Variants in ATP11C observed in about 807,000 individuals in gnomAD.
ATP11C encodes ATPase phospholipid transporting 11C (ATP11C blood group).
A neutral mutation model predicts 97.4 loss-of-function variants in ATP11C; 36 were observed. That is an observed-to-expected ratio of 0.37 (90% CI 0.28 to 0.49). The LOEUF (loss-of-function observed/expected upper bound fraction) is 0.49. Ranked by LOEUF, ATP11C falls within the 20% of genes least tolerant of loss-of-function variation. The pLI is 0.98. For synonymous variants in ATP11C, 275 were observed against 290.9 expected (o/e 0.95, Z 0.56); for missense variants, 730 against 824.6 (o/e 0.89, Z 1.40).
At chrX:139,815,016 T>C in intron 4 of ATP11C, 31 bp from the exon 5 acceptor site, 1 of 874,304 alleles carries the variant, frequency 1.1e-6, no homozygotes, top group Non-Finnish European at 1.6e-6. Flanking sequence ...TATAATTGAG[T>C]TCTGATAATG....
In ATP11C at chrX:139,787,203, C is replaced by T. The variant is rs747151951; in HGVS notation, c.1562G>A (p.Arg521Lys). The stretch of plus-strand genomic sequence containing the variant: ...TATTTCTTTTCTTTGGTTCTCTACT[C>T]TCATATATCCATTTCGATTTCCTAA... ...TFLGNRNGYM[R>K]VENQRKEIEE... Residue 521 changes from arginine (R) to lysine (K), a missense_variant, in exon 15 of 30, where the codon AGA (arginine) becomes AAA (lysine). Arg to Lys is a conservative substitution (Grantham distance 26). Coordinates refer to ENST00000682941, the MANE Select transcript of ATP11C (RefSeq NM_001353812.2). The T allele has an allele frequency of 8.4e-7, 1 of 1,191,791 alleles. No homozygotes were observed. The highest frequency in any genetic ancestry group is 1.1e-6 in the Non-Finnish European group (1 of 878,372).
intron 18 of ATP11C, among the ~76,000 whole-genome samples, chrX:139,781,399 G>C: frequency 8.9e-6 from 1 of 112,791 alleles, no homozygotes; most frequent in Non-Finnish European, 1.9e-5. Flanking sequence ...AGGTCAGCCT[G>C]TAAGTTAAAA....
chrX:139,914,943 C>T (rs1260690939), intron 1 of ATP11C, among the ~76,000 whole-genome samples: 1 of 111,604 alleles, frequency 9.0e-6, no homozygotes, highest in African/African-American at 3.3e-5. Flanking sequence ...TAAACTAATG[C>T]TTATACAGCA....
chrX:139,851,495 T>A (rs1440202322), intron 1 of ATP11C, among the ~76,000 whole-genome samples: 1 of 111,864 alleles, frequency 8.9e-6, no homozygotes, highest in East Asian at 2.8e-4. Context: ...CAAGTAGAAA[T>A]GTGAGGTTGG....
In ATP11C at chrX:139,841,214, A is replaced by G. The variant is rs147696983; in HGVS notation, c.28-14391T>C. ...CACACAAAGTGCTCACTAATAAATGAGTAAATAACAGCATGTAATCAACGG... is the reference window on the plus strand; with the variant it reads ...CACACAAAGTGCTCACTAATAAATGGGTAAATAACAGCATGTAATCAACGG... On this transcript the variant is annotated intron_variant, in intron 1 of 29. Coordinates refer to ENST00000682941, the MANE Select transcript of ATP11C (RefSeq NM_001353812.2). Among the ~76,000 whole-genome samples, 60 of 112,492 alleles carry G rather than the reference A, an allele frequency of 5.3e-4. No individual in the cohort carries two copies. The East Asian group carries it at 0.011, about 21-fold the overall frequency.
At chrX:139,731,966 T>C (rs2081351317) in intron 28 of ATP11C, among the ~76,000 whole-genome samples, 1 of 111,791 alleles carries the variant, frequency 8.9e-6, no homozygotes, top group Non-Finnish European at 1.9e-5. Context: ...CGAATTGTTT[T>C]TGTGGTAGAA....
chrX:139,796,887 TA>T (rs1459100780), intron 11 of ATP11C, among the ~76,000 whole-genome samples: 1 of 111,663 alleles, frequency 9.0e-6, no homozygotes, highest in African/African-American at 3.2e-5. Context: ...TATAAAGAGC[TA>T]AAAACAAGCA....
rs55984113 is a variant in ATP11C, at chrX:139,769,281, CATATATATATATATATAT to C, written c.2217-865_2217-848del. Among the ~76,000 whole-genome samples the C allele has an allele frequency of 2.9e-3, 81 of 28,076 alleles. 2 individuals are homozygous for C. The highest frequency in any genetic ancestry group is 0.045 in the Middle Eastern group (1 of 22). The allele number at this position is 28,076 out of a possible 115,157, so 24.4% of individuals were successfully genotyped here. ...GACAAATGGCTTTGGGGCAAACATA[CATATATATATATATATAT>C]ATATATATATATATATATATATATA... On this transcript the variant is annotated intron_variant, in intron 19 of 29. Coordinates refer to ENST00000682941, the MANE Select transcript of ATP11C (RefSeq NM_001353812.2).
chrX:139,888,096 G>A (rs757096687), intron 1 of ATP11C, among the ~76,000 whole-genome samples: 294 of 110,272 alleles, frequency 2.7e-3, no homozygotes, highest in Non-Finnish European at 4.9e-3. Context: ...AGGACCAGTA[G>A]CCAGAATATA....
intron 29 of ATP11C, among the ~76,000 whole-genome samples, chrX:139,729,597 T>C: frequency 8.9e-6 from 1 of 112,036 alleles, no homozygotes. Flanking sequence ...CTTCATCTTT[T>C]TGGAAGAGAA....
intron 1 of ATP11C, among the ~76,000 whole-genome samples, chrX:139,843,048 G>C (rs1233939150): frequency 8.9e-6 from 1 of 112,083 alleles, no homozygotes; most frequent in African/African-American, 3.2e-5. Context: ...GACTCTCCTT[G>C]AAAGTAAACT....
chrX:139,871,541 CAG>C (rs1320096910), intron 1 of ATP11C, among the ~76,000 whole-genome samples: 1 of 67,196 alleles, frequency 1.5e-5, no homozygotes, highest in Non-Finnish European at 2.6e-5. Context: ...TTTTTTGAAA[CAG>C]GGTCTCACTC....
intron 1 of ATP11C, among the ~76,000 whole-genome samples, chrX:139,891,315 T>C (rs2084727191): frequency 9.2e-6 from 1 of 108,773 alleles, no homozygotes; most frequent in African/African-American, 3.4e-5. Context: ...AATACCTGAG[T>C]GACAAAATAA....
chrX:139,881,327 C>G (rs1049120532), intron 1 of ATP11C, among the ~76,000 whole-genome samples: 5 of 111,558 alleles, frequency 4.5e-5, no homozygotes, highest in African/African-American at 1.6e-4. Flanking sequence ...CTGCCTCATA[C>G]ATGGTTCAAC....
At chrX:139,905,749 T>C (rs1415431601) in intron 1 of ATP11C, among the ~76,000 whole-genome samples, 2 of 111,194 alleles carry the variant, frequency 1.8e-5, no homozygotes, top group African/African-American at 6.5e-5. Context: ...TCAAATATAA[T>C]TAAAGAAAAT....
intron 9 of ATP11C, 137 bp downstream of exon 9, chrX:139,798,542 C>T (rs2082849978): frequency 9.2e-6 from 5 of 541,216 alleles, no homozygotes; most frequent in South Asian, 3.6e-5. Context: ...TAGTTTACCA[C>T]GTTATAAATT....
intron 1 of ATP11C, among the ~76,000 whole-genome samples, chrX:139,899,764 G>A (rs2084867595): frequency 9.0e-6 from 1 of 111,018 alleles, no homozygotes; most frequent in South Asian, 3.8e-4. Flanking sequence ...AAGATTTCTT[G>A]GTTATCTCAA....
chrX:139,785,182 T>C, intron 16 of ATP11C, 44 bp downstream of exon 16: 1 of 1,025,688 alleles, frequency 9.7e-7, no homozygotes, highest in Middle Eastern at 2.6e-4. Context: ...CCAATAAGCC[T>C]ACAAATCAAC....
chrX:139,777,167 T>C (rs1769481455), intron 18 of ATP11C, among the ~76,000 whole-genome samples: 2 of 110,729 alleles, frequency 1.8e-5, no homozygotes, highest in East Asian at 2.8e-4. Context: ...ACCTCTGTAA[T>C]AATACAGGCT....
Sources: allele counts gnomAD v4.1 joint callset (sites outside exome capture counted in the v4.1 genomes callset), GRCh38; gene constraint gnomAD v4.1.1; transcripts MANE v1.5; gene names NCBI Gene and HGNC (gene_info 2026-07-23, HGNC 2026-07-21).